The following WWTR1 variants were observed in gnomAD, a reference collection of about 807,000 sequenced individuals.
WWTR1 encodes WW domain-containing transcription regulator protein 1.
A neutral mutation model predicts 40.1 loss-of-function variants in WWTR1; 13 were observed. That is an observed-to-expected ratio of 0.32 (90% confidence interval 0.21 to 0.52). The LOEUF (loss-of-function observed/expected upper bound fraction) is 0.52, where lower values mean the gene tolerates loss of function less well. Among genes scored for constraint, WWTR1 ranks in the 20% least tolerant of loss-of-function variants. WWTR1 has a pLI of 0.97. For missense variants in WWTR1, 436 were observed against 523.1 expected (o/e 0.83, Z 1.63); for synonymous variants, 230 against 210.1 (o/e 1.09, Z -0.82).
At position 149,554,731 on chromosome 3, in the gene WWTR1, C is replaced by T. The variant is rs1052565908; in HGVS notation, c.569-12194G>A. On this transcript the variant is annotated intron_variant, in intron 3 of 6. Coordinates refer to ENST00000360632, the MANE Select transcript of WWTR1 (RefSeq NM_015472.6). ...GTAAAGAAAGAACTCTTTCTTCCAC[C>T]TAAAGCAGCATCAGAATGTGCTACT... Among the ~76,000 whole-genome samples, 6 of 152,166 alleles carry T rather than the reference C, an allele frequency of 3.9e-5. No individual in the cohort carries two copies. In the East Asian group the frequency reaches 9.6e-4, roughly 24 times the overall value.
intron 1 of WWTR1, among the ~76,000 whole-genome samples, chr3:149,674,477 C>T (rs1714198235): frequency 6.6e-6 from 1 of 151,960 alleles, no homozygotes; most frequent in African/African-American, 2.4e-5. Context: ...GTCCCAGCTA[C>T]TTGGGAAGCT....
At chr3:149,629,416 C>G (rs146603101) in intron 2 of WWTR1, among the ~76,000 whole-genome samples, 2,343 of 152,286 alleles carry the variant, frequency 0.015, 29 homozygotes, top group African/African-American at 0.022. Context: ...GTATTTCCTA[C>G]GCTGGGGAAT....
At chr3:149,556,874 C>A (rs373414543) in intron 3 of WWTR1, among the ~76,000 whole-genome samples, 58 of 151,902 alleles carry the variant, frequency 3.8e-4, no homozygotes, top group African/African-American at 1.4e-3. Context: ...ACAAAACATA[C>A]AACAAAAAAA....
intron 4 of WWTR1, among the ~76,000 whole-genome samples, chr3:149,535,364 G>A (rs187485281): frequency 2.9e-4 from 44 of 152,058 alleles, no homozygotes; most frequent in African/African-American, 9.9e-4. Context: ...CCTTCTTTAC[G>A]GGGGACGGCG....
At chr3:149,566,812 GAAAA>G (rs1166961307) in intron 3 of WWTR1, among the ~76,000 whole-genome samples, 1 of 109,100 alleles carries the variant, frequency 9.2e-6, no homozygotes. Context: ...GCCCTGAAAA[GAAAA>G]AAAAAAAAAA....
At chr3:149,697,992 T>C (rs894567093) in intron 1 of WWTR1, among the ~76,000 whole-genome samples, 1 of 152,244 alleles carries the variant, frequency 6.6e-6, no homozygotes, top group African/African-American at 2.4e-5. Flanking sequence ...ATGTGAAGGA[T>C]AGGCTTCCAA....
intron 3 of WWTR1, among the ~76,000 whole-genome samples, chr3:149,570,617 A>T (rs1166498943): frequency 6.6e-6 from 1 of 151,160 alleles, no homozygotes; most frequent in East Asian, 1.9e-4. Context: ...AAAATTAAAT[A>T]AAAATAGAAA....
At chr3:149,695,662 G>A (rs1466021151) in intron 1 of WWTR1, among the ~76,000 whole-genome samples, 2 of 151,338 alleles carry the variant, frequency 1.3e-5, no homozygotes, top group African/African-American at 4.9e-5. Context: ...CTGGGAGGCT[G>A]GGGCAGGAGA....
rs1186328525 is a variant in WWTR1 at position 149,669,064 on chromosome 3, T to G, written c.-4+724A>C. Among the ~76,000 whole-genome samples, 3 of 152,230 alleles carry G rather than the reference T, an allele frequency of 2.0e-5. No individual in the cohort carries two copies. The South Asian group carries it at 6.2e-4, about 31-fold the overall frequency. On this transcript the variant is annotated intron_variant, in intron 2 of 7. Coordinates refer to the WWTR1 transcript ENST00000465804. ...TACCCAAAATCACCAAAGGCCTTTG[T>G]ACAGAGTCCAAGTTTTTACCTTTAG...
intron 2 of WWTR1, among the ~76,000 whole-genome samples, chr3:149,576,636 T>C (rs1460283704): frequency 1.3e-5 from 2 of 152,212 alleles, no homozygotes; most frequent in Admixed American, 6.5e-5. Context: ...TATATATGTG[T>C]ATTGTATAAA....
At chr3:149,598,156 A>T (rs542261259) in intron 2 of WWTR1, among the ~76,000 whole-genome samples, 21 of 152,338 alleles carry the variant, frequency 1.4e-4, no homozygotes, top group Middle Eastern at 3.4e-3. Context: ...AAACCCCCCA[A>T]TAGATCCTTC....
intron 2 of WWTR1, among the ~76,000 whole-genome samples, chr3:149,585,426 C>T (rs980431539): frequency 6.6e-6 from 1 of 152,192 alleles, no homozygotes; most frequent in Non-Finnish European, 1.5e-5. Context: ...TGAGCCACTG[C>T]ACCTGGCTGA....
upstream of WWTR1, among the ~76,000 whole-genome samples, chr3:149,706,437 G>C (rs1382400517): frequency 1.3e-5 from 2 of 151,426 alleles, no homozygotes; most frequent in Non-Finnish European, 2.9e-5. Flanking sequence ...TCCTGCCTCA[G>C]CCTCCCGAGT....
At chr3:149,610,014 G>A (rs761420625) in intron 2 of WWTR1, among the ~76,000 whole-genome samples, 1 of 152,146 alleles carries the variant, frequency 6.6e-6, no homozygotes, top group African/African-American at 2.4e-5. Flanking sequence ...CTTTTACAAT[G>A]AAGGGCTCAG....
chr3:149,713,628 G>A lies in WWTR1; in HGVS notation n.584+3814C>T, dbSNP rs551052297. Among the ~76,000 whole-genome samples the A allele has an allele frequency of 1.9e-3, 284 of 152,220 alleles. 2 individuals are homozygous for A. Among genetic ancestry groups the A allele is most frequent in the Non-Finnish European group, 3.2e-3 (218 of 68,002 alleles). ...ACTCCTGACCTCAGGTGCTCCACCC[G>A]CCTCCACCTCCCAAAGTGCTGGAAT... is the stretch of plus-strand genomic sequence containing the variant. On this transcript the variant is annotated intron_variant and non_coding_transcript_variant, in intron 5 of 6. Coordinates refer to the WWTR1 transcript ENST00000474080.
chr3:149,594,955 T>C (rs956881451), intron 2 of WWTR1, among the ~76,000 whole-genome samples: 5,175 of 109,082 alleles, frequency 0.047, 495 homozygotes, highest in East Asian at 0.26. Context: ...TTTTACTTTT[T>C]TTTTTTTTTT....
At chr3:149,594,109 A>G (rs1185986882) in intron 2 of WWTR1, among the ~76,000 whole-genome samples, 1 of 152,210 alleles carries the variant, frequency 6.6e-6, no homozygotes, top group Non-Finnish European at 1.5e-5. Context: ...TTCTACAAAA[A>G]TTCTACTTCA....
intron 2 of WWTR1, among the ~76,000 whole-genome samples, chr3:149,641,588 G>T (rs1037627224): frequency 2.0e-5 from 3 of 152,102 alleles, no homozygotes; most frequent in Non-Finnish European, 4.4e-5. Flanking sequence ...CTTCACTACG[G>T]CTAATAATTA....
intron 1 of WWTR1, among the ~76,000 whole-genome samples, chr3:149,672,651 C>A (rs1714131718): frequency 6.6e-6 from 1 of 151,978 alleles, no homozygotes; most frequent in Non-Finnish European, 1.5e-5. Flanking sequence ...GGACTATTTT[C>A]AATTAGTTCA....
Sources: allele counts gnomAD v4.1 joint callset (sites outside exome capture counted in the v4.1 genomes callset), GRCh38; gene constraint gnomAD v4.1.1; transcripts MANE v1.5; gene names NCBI Gene and HGNC (gene_info 2026-07-23, HGNC 2026-07-21).